NR2C1: variants seen among roughly 807,000 people sequenced by gnomAD.
NR2C1 encodes TR2 nuclear hormone receptor.
NR2C1 carries 33 observed loss-of-function variants against 74.8 expected under a neutral mutation model. The observed-to-expected ratio is 0.44, with a 90% CI of 0.33 to 0.59. The LOEUF (loss-of-function observed/expected upper bound fraction) is 0.59. NR2C1 is among the 20% of genes least tolerant of loss of function. NR2C1 has a pLI of 0.02. For missense variants in NR2C1, 568 were observed against 715.6 expected, an observed-to-expected ratio of 0.79 and a Z score of 2.35; for synonymous variants, 225 against 240.6, an observed-to-expected ratio of 0.94 and a Z score of 0.60.
At chr12:95,051,485 T>C (rs534887996) in intron 8 of NR2C1, among the ~76,000 whole-genome samples, 46 of 152,210 alleles carry the variant, frequency 3.0e-4, no homozygotes, top group Non-Finnish European at 5.9e-4. Flanking sequence ...CTGTGGATTT[T>C]TGCATATTCT....
intron 13 of NR2C1, among the ~76,000 whole-genome samples, chr12:95,022,716 TGAGA>T (rs1304221914): frequency 6.6e-6 from 1 of 151,490 alleles, no homozygotes; most frequent in Non-Finnish European, 1.5e-5. Context: ...TTTTTTTTTT[TGAGA>T]GAGGGCCTCG....
intron 7 of NR2C1, among the ~76,000 whole-genome samples, chr12:95,056,085 A>G (rs1363245632): frequency 1.3e-5 from 2 of 151,782 alleles, no homozygotes; most frequent in East Asian, 3.9e-4. Flanking sequence ...GGGTAACACA[A>G]TGAAACTCGG....
At position 95,060,001 on chromosome 12, in the gene NR2C1, A is replaced by AAT. The variant is rs1565870258; in HGVS notation, c.286-18_286-17insAT. The stretch of plus-strand genomic sequence containing the variant: ...TGTTAGGAGCTAAAAAAAAAAAAAA[A>AAT]AAAAAAGAAAACAAAAACGAAAACC... On this transcript the variant is annotated splice_polypyrimidine_tract_variant and intron_variant, in intron 3 of 13. Coordinates refer to ENST00000333003, the MANE Select transcript of NR2C1 (RefSeq NM_003297.4). 3 of 1,548,096 alleles carry AAT rather than the reference A, an allele frequency of 1.9e-6. No individual in the cohort carries two copies. The South Asian group carries it at 3.7e-5, about 19-fold the overall frequency.
chr12:95,025,103 A>G, intron 13 of NR2C1, 47 bp downstream of exon 13: 1 of 854,794 alleles, frequency 1.2e-6, no homozygotes, highest in Non-Finnish European at 1.8e-6. Context: ...CAGATCCACA[A>G]AAGGTTTTTC....
intron 9 of NR2C1, among the ~76,000 whole-genome samples, chr12:95,048,125 C>T (rs1221851196): frequency 6.6e-6 from 1 of 152,150 alleles, no homozygotes; most frequent in African/African-American, 2.4e-5. Flanking sequence ...GAGGTCTCGG[C>T]ATGTTGCCCA....
chr12:95,025,349 G>A, intron 12 of NR2C1, 94 bp from the exon 13 acceptor site: 1 of 658,312 alleles, frequency 1.5e-6, no homozygotes, highest in East Asian at 3.0e-5. Flanking sequence ...AGTCAAAATA[G>A]AAGCCCCATC....
At chr12:95,022,438 GT>G in intron 13 of NR2C1, 35 bp from the exon 14 acceptor site, 1 of 1,526,176 alleles carries the variant, frequency 6.6e-7, no homozygotes, top group Middle Eastern at 1.9e-4. Context: ...GAGGAACAAG[GT>G]TGTAAACCAG....
intron 11 of NR2C1, chr12:95,030,828 A>G (rs374462095): frequency 1.3e-4 from 207 of 1,613,480 alleles, no homozygotes; most frequent in Non-Finnish European, 1.7e-4. Flanking sequence ...TAAATCAGTG[A>G]TTGCTCGTCT....
At chr12:95,065,245 C>T (rs781481308) in intron 2 of NR2C1, among the ~76,000 whole-genome samples, 112 of 151,974 alleles carry the variant, frequency 7.4e-4, no homozygotes, top group Non-Finnish European at 1.3e-3. Context: ...TGCAGTGGTG[C>T]GATCTCGGCT....
chr12:95,071,789 C>T (rs992042520), intron 1 of NR2C1, among the ~76,000 whole-genome samples: 1 of 150,490 alleles, frequency 6.6e-6, no homozygotes, highest in African/African-American at 2.4e-5. Context: ...GCTCTTCTTG[C>T]CCAGGCTGGA....
intron 13 of NR2C1, among the ~76,000 whole-genome samples, chr12:95,024,306 T>G (rs1443173246): frequency 2.0e-5 from 3 of 152,176 alleles, no homozygotes; most frequent in South Asian, 2.1e-4. Context: ...ATTAACTGAT[T>G]TAATCCTTAA....
In NR2C1 at chr12:95,055,884, C is replaced by T. The variant is rs56909813; in HGVS notation, c.783+1669G>A. Among the ~76,000 whole-genome samples the T allele has an allele frequency of 7.3e-3, 980 of 135,074 alleles. 12 individuals carry two copies. The highest frequency in any genetic ancestry group is 0.025 in the African/African-American group (890 of 36,276). 88.6% of individuals were successfully genotyped at this position (135,074 alleles called of 152,430 possible). A position where few individuals can be genotyped will look rare whatever the true frequency, so the allele number is the denominator to read the frequency against. ...AGGAGAATGGCGTGAACCCAGGAGG[C>T]GGAGGCTGCAGTGAGCCGAGATCGG... On this transcript the variant is annotated intron_variant, in intron 7 of 13. Coordinates refer to ENST00000333003, the MANE Select transcript of NR2C1 (RefSeq NM_003297.4).
intron 7 of NR2C1, among the ~76,000 whole-genome samples, chr12:95,053,260 C>G (rs1233054994): frequency 6.6e-6 from 1 of 152,148 alleles, no homozygotes; most frequent in Admixed American, 6.6e-5. Context: ...AGACATGAGC[C>G]ACCGTGCCCG....
chr12:95,063,894 T>A (rs1288704398), intron 2 of NR2C1, among the ~76,000 whole-genome samples: 1 of 151,428 alleles, frequency 6.6e-6, no homozygotes, highest in Non-Finnish European at 1.5e-5. Context: ...CTGGGCATGG[T>A]GGCGGGTGCC....
intron 11 of NR2C1, among the ~76,000 whole-genome samples, chr12:95,029,519 CCAAA>C (rs1008750048): frequency 8.3e-4 from 120 of 145,132 alleles, no homozygotes; most frequent in African/African-American, 3.0e-3. Flanking sequence ...AAACAACAAA[CCAAA>C]CAAACAAAAA....
At chr12:95,038,553 T>C (rs769791183) in intron 10 of NR2C1, among the ~76,000 whole-genome samples, 2 of 152,174 alleles carry the variant, frequency 1.3e-5, no homozygotes, top group Non-Finnish European at 2.9e-5. Flanking sequence ...AGGCCAGCAG[T>C]TTGAGAACTG....
At chr12:95,046,554 C>T (rs901485819) in intron 9 of NR2C1, among the ~76,000 whole-genome samples, 8 of 152,072 alleles carry the variant, frequency 5.3e-5, no homozygotes, top group Non-Finnish European at 1.2e-4. Context: ...TGCCACTGCG[C>T]TCCAGCCTGG....
intron 5 of NR2C1, 139 bp from the exon 6 acceptor site, chr12:95,058,017 G>A (rs945976344): frequency 1.6e-5 from 13 of 807,196 alleles, no homozygotes; most frequent in African/African-American, 6.9e-5. Context: ...TCAATCTTTA[G>A]AAATTATGTG....
At chr12:95,023,181 G>T (rs1178099470) in intron 13 of NR2C1, among the ~76,000 whole-genome samples, 1 of 152,032 alleles carries the variant, frequency 6.6e-6, no homozygotes, top group African/African-American at 2.4e-5. Flanking sequence ...GACCAGCCTG[G>T]CCAACATGGT....
Sources: allele counts gnomAD v4.1 joint callset (sites outside exome capture counted in the v4.1 genomes callset), GRCh38; gene constraint gnomAD v4.1.1; transcripts MANE v1.5; gene names NCBI Gene and HGNC (gene_info 2026-07-23, HGNC 2026-07-21).